KIRREL1: variants seen among roughly 807,000 people sequenced by gnomAD.
The protein encoded by KIRREL1 is kirre like nephrin family adhesion molecule 1.
Under a neutral mutation model 83.3 loss-of-function variants are expected in KIRREL1, and 25 were observed. The ratio of observed to expected loss-of-function variants is 0.30; its 90% CI spans 0.22 to 0.42. The LOEUF (loss-of-function observed/expected upper bound fraction) is 0.42. KIRREL1 is among the 10% of genes least tolerant of loss of function. The pLI is 1.00. For missense variants in KIRREL1, 812 were observed against 1,032.3 expected, an observed-to-expected ratio of 0.79 and a Z score of 2.92; for synonymous variants, 388 against 410.4, an observed-to-expected ratio of 0.95 and a Z score of 0.66.
intron 1 of KIRREL1, among the ~76,000 whole-genome samples, chr1:158,017,770 A>G (rs201916103): frequency 7.5e-6 from 1 of 133,540 alleles, no homozygotes; most frequent in Admixed American, 7.5e-5. Context: ...TGTTTTTTTT[A>G]AACCTCTTTC....
At chr1:158,053,603 T>C (rs892321755) in intron 1 of KIRREL1, among the ~76,000 whole-genome samples, 1 of 152,192 alleles carries the variant, frequency 6.6e-6, no homozygotes. Flanking sequence ...TTTTGCCCTT[T>C]ACAGAGACCC....
chr1:157,995,749 C>T (rs143525836), intron 1 of KIRREL1, among the ~76,000 whole-genome samples: 225 of 152,176 alleles, frequency 1.5e-3, no homozygotes, highest in Non-Finnish European at 2.3e-3. Context: ...GCTCCCACTT[C>T]TCTGCTCCAA....
chr1:158,089,429 C>T (rs755885594), intron 8 of KIRREL1, 73 bp from the exon 9 acceptor site: 10 of 1,590,378 alleles, frequency 6.3e-6, no homozygotes, highest in African/African-American at 2.7e-5. Flanking sequence ...CCGATGCCTC[C>T]GATGTGGGGC....
chr1:158,029,337 C>CTGTGTGTGTG (rs60980289), intron 1 of KIRREL1, among the ~76,000 whole-genome samples: 3,441 of 69,276 alleles, frequency 0.05, 82 homozygotes, highest in East Asian at 0.19. Flanking sequence ...TAACAAAAAC[C>CTGTGTGTGTG]TGTGTGTGTG....
chr1:158,074,661 G>A (rs924692922), intron 1 of KIRREL1, among the ~76,000 whole-genome samples: 3 of 152,174 alleles, frequency 2.0e-5, no homozygotes, highest in Admixed American at 6.5e-5. Flanking sequence ...CAAGGAATTG[G>A]GCTAGGAGGG....
chr1:158,031,536 C>T (rs1356738969), intron 1 of KIRREL1, among the ~76,000 whole-genome samples: 1 of 152,206 alleles, frequency 6.6e-6, no homozygotes, highest in Non-Finnish European at 1.5e-5. Flanking sequence ...TCACCACCTT[C>T]CTCATCAGAG....
At chr1:158,027,410 A>G (rs1432153575) in intron 1 of KIRREL1, among the ~76,000 whole-genome samples, 1 of 152,158 alleles carries the variant, frequency 6.6e-6, no homozygotes, top group Non-Finnish European at 1.5e-5. Flanking sequence ...TTCATTACAT[A>G]GGCATGATTA....
intron 1 of KIRREL1, among the ~76,000 whole-genome samples, chr1:158,069,553 T>A (rs1211257630): frequency 6.6e-6 from 1 of 151,790 alleles, no homozygotes; most frequent in Non-Finnish European, 1.5e-5. Context: ...CCCAGGAGGA[T>A]CAGTGTTAAG....
chr1:158,069,312 G>A (rs1200959113), intron 1 of KIRREL1, among the ~76,000 whole-genome samples: 1 of 150,354 alleles, frequency 6.7e-6, no homozygotes, highest in Non-Finnish European at 1.5e-5. Flanking sequence ...TTGTGTGTGT[G>A]TGTGTGTGTG....
Position 158,010,396 on chromosome 1 carries a change from T to TACACACACACACACACACAC in KIRREL1, c.52+16713_52+16732dup, listed in dbSNP as rs56077512. ...GTCCTGAGAATGTCACACACATGCA[T>TACACACACACACACACACAC]ACACACACACACACACACACACACA... is the stretch of plus-strand genomic sequence containing the variant. On this transcript the variant is annotated intron_variant, in intron 1 of 14. Coordinates refer to ENST00000359209, the MANE Select transcript of KIRREL1 (RefSeq NM_018240.7). Among the ~76,000 whole-genome samples the TACACACACACACACACACAC allele has an allele frequency of 3.6e-4, 16 of 44,592 alleles. 2 individuals are homozygous for TACACACACACACACACACAC. The highest frequency in any genetic ancestry group is 4.4e-4 in the Non-Finnish European group (11 of 25,128). 29.3% of individuals were successfully genotyped at this position (44,592 alleles called of 152,430 possible).
chr1:157,994,889 T>A (rs1342916121), intron 1 of KIRREL1, among the ~76,000 whole-genome samples: 1 of 152,044 alleles, frequency 6.6e-6, no homozygotes. Context: ...CGGCACACAC[T>A]CACGCATTCA....
chr1:158,070,989 G>C (rs1661495562), intron 1 of KIRREL1, among the ~76,000 whole-genome samples: 1 of 152,092 alleles, frequency 6.6e-6, no homozygotes, highest in Admixed American at 6.5e-5. Context: ...TGAGAAAAAC[G>C]GAGTGTCCAA....
intron 1 of KIRREL1, among the ~76,000 whole-genome samples, chr1:158,005,801 CAACCCA>C (rs1234556125): frequency 6.6e-6 from 1 of 152,124 alleles, no homozygotes; most frequent in Non-Finnish European, 1.5e-5. Context: ...CATAATTGTT[CAACCCA>C]CATGATGAGC....
chr1:158,069,435 G>A (rs1055269486), intron 1 of KIRREL1, among the ~76,000 whole-genome samples: 1 of 151,766 alleles, frequency 6.6e-6, no homozygotes, highest in South Asian at 2.1e-4. Context: ...TTGTCCTCCC[G>A]GTCTTTGCAG....
intron 2 of KIRREL1, 81 bp downstream of exon 2, chr1:158,076,343 C>A: frequency 7.5e-7 from 1 of 1,336,638 alleles, no homozygotes; most frequent in South Asian, 1.3e-5. Flanking sequence ...CCTGGACTCA[C>A]CATCCCTTAG....
intron 1 of KIRREL1, among the ~76,000 whole-genome samples, chr1:158,042,747 C>T (rs1167985976): frequency 6.6e-6 from 1 of 152,040 alleles, no homozygotes; most frequent in Non-Finnish European, 1.5e-5. Flanking sequence ...CCACCTGCTG[C>T]ACCCTCTGTG....
intron 1 of KIRREL1, among the ~76,000 whole-genome samples, chr1:158,061,406 G>A (rs557964900): frequency 1.6e-4 from 24 of 152,270 alleles, no homozygotes; most frequent in Middle Eastern, 6.8e-3. Flanking sequence ...TTCCTTGGGG[G>A]TGGGCAACAC....
At chr1:158,013,261 C>T (rs754172349) in intron 1 of KIRREL1, among the ~76,000 whole-genome samples, 1 of 152,172 alleles carries the variant, frequency 6.6e-6, no homozygotes, top group African/African-American at 2.4e-5. Flanking sequence ...ACATAAGCTG[C>T]GACTGACCTG....
rs915886074 is a variant in KIRREL1 at position 158,094,028 on chromosome 1, G to T, written c.1719+266G>T. Among the ~76,000 whole-genome samples the T allele has an allele frequency of 2.0e-5, 3 of 152,228 alleles. No homozygotes were observed. The highest frequency in any genetic ancestry group is 6.5e-5 in the Admixed American group (1 of 15,288). On this transcript the variant is annotated intron_variant, in intron 13 of 14. Transcript: ENST00000359209. The surrounding 1 kb of genome is among the most constrained non-coding windows in gnomAD (Gnocchi z 4.6). Reference sequence around the variant, plus strand: ...AGTTGGAAGCCCCCAGAGGCTTTCTGGTCCATCTGCCTCATTGCTGAGATG... The same window carrying T: ...AGTTGGAAGCCCCCAGAGGCTTTCTTGTCCATCTGCCTCATTGCTGAGATG...
Sources: gnomAD v4.1 joint callset for allele counts (sites outside exome capture counted in the v4.1 genomes callset) on GRCh38, gnomAD v4.1.1 for gene constraint, Gnocchi (gnomAD v3.1) non-coding constraint, MANE v1.5 for transcripts, NCBI Gene and HGNC (gene_info 2026-07-23, HGNC 2026-07-21) for gene names.